NCKAP5: variants seen among roughly 807,000 people sequenced by gnomAD.
NCKAP5 encodes nck-associated protein 5.
A neutral mutation model predicts 167.0 loss-of-function variants in NCKAP5; 92 were observed. The observed-to-expected ratio is 0.55, with a 90% CI of 0.47 to 0.66. The LOEUF is 0.66. Among genes scored for constraint, NCKAP5 ranks in the 30% least tolerant of loss-of-function variants. The pLI is 0.00. For missense variants in NCKAP5, 2,378 were observed against 2,315.0 expected, an observed-to-expected ratio of 1.03 and a Z score of -0.56; for synonymous variants, 891 against 877.4, an observed-to-expected ratio of 1.02 and a Z score of -0.27.
In NCKAP5 at chr2:132,784,704, C is replaced by T. The variant is rs776717567; in HGVS notation, c.2107G>A (p.Ala703Thr). The T allele has an allele frequency of 1.2e-6, 2 of 1,613,902 alleles. No homozygotes were observed. The highest frequency in any genetic ancestry group is 1.3e-5 in the African/African-American group (1 of 74,930). The part of the protein sequence containing the change: ...RNEISINSTP[A>T]GPKAEHTELL... ...TCAGTATGTTCTGCCTTGGGTCCAG[C>T]AGGAGTTGAATTGATGGAAATCTCA... The change falls in exon 14 of 20, where the codon GCT becomes ACT. Residue 703 changes from alanine to threonine, a missense_variant. Around this residue, in one of 3 missense-constraint regions of NCKAP5, gnomAD observed 1,049 missense variants for 1,023.4 expected, o/e 1.02. Transcript: ENST00000409261.
At chr2:133,672,192 A>G in the NCKAP5 span, among the ~76,000 whole-genome samples, 1 of 152,234 alleles carries the variant, frequency 6.6e-6, no homozygotes, top group African/African-American at 2.4e-5. Context: ...ACTTCTAGGT[A>G]AAGCAAACAT....
intron 3 of NCKAP5, among the ~76,000 whole-genome samples, chr2:133,477,671 A>G (rs780219376): frequency 2.0e-5 from 3 of 152,192 alleles, no homozygotes; most frequent in Non-Finnish European, 4.4e-5. Context: ...ACTGCAATAA[A>G]AGTTATGTGA....
chr2:132,891,184 A>C (rs1692672325), intron 8 of NCKAP5, among the ~76,000 whole-genome samples: 1 of 152,214 alleles, frequency 6.6e-6, no homozygotes, highest in African/African-American at 2.4e-5. Context: ...ATGGGGCTTC[A>C]GGCCAGTGGT....
chr2:133,250,058 G>T (rs2088230675), intron 4 of NCKAP5, among the ~76,000 whole-genome samples: 1 of 125,140 alleles, frequency 8.0e-6, no homozygotes, highest in Non-Finnish European at 1.7e-5. Flanking sequence ...TAAGAAGAGA[G>T]GTTTTAAACA....
At chr2:133,032,551 G>A (rs575064896) in intron 6 of NCKAP5, among the ~76,000 whole-genome samples, 235 of 152,234 alleles carry the variant, frequency 1.5e-3, no homozygotes, top group Non-Finnish European at 2.2e-3. Flanking sequence ...CACCCTGCAG[G>A]GAAAAACACA....
At chr2:132,674,961 C>T (rs1361353940) in intron 19 of NCKAP5, among the ~76,000 whole-genome samples, 1 of 152,190 alleles carries the variant, frequency 6.6e-6, no homozygotes, top group African/African-American at 2.4e-5. Flanking sequence ...TAACTCCATC[C>T]AAGGGCCCCT....
intron 6 of NCKAP5, among the ~76,000 whole-genome samples, chr2:132,994,491 C>T (rs2077536122): frequency 6.6e-6 from 1 of 152,120 alleles, no homozygotes; most frequent in Non-Finnish European, 1.5e-5. Context: ...ACTCATGCAC[C>T]TATCTCCCAA....
chr2:133,472,833 G>A (rs548094495), intron 3 of NCKAP5, among the ~76,000 whole-genome samples: 52 of 152,064 alleles, frequency 3.4e-4, no homozygotes, highest in African/African-American at 1.1e-3. Flanking sequence ...TCTCTTCTCC[G>A]TATCCAATAG....
intron 5 of NCKAP5, among the ~76,000 whole-genome samples, chr2:133,199,901 T>C (rs566036605): frequency 6.6e-6 from 1 of 151,942 alleles, no homozygotes; most frequent in South Asian, 2.1e-4. Context: ...TATAATGACA[T>C]GAATGAATTT....
chr2:133,378,189 T>C (rs967948649), intron 3 of NCKAP5, among the ~76,000 whole-genome samples: 2 of 152,178 alleles, frequency 1.3e-5, no homozygotes, highest in African/African-American at 4.8e-5. Context: ...GGTAAGTAAA[T>C]GATAGTACAG....
intron 16 of NCKAP5, among the ~76,000 whole-genome samples, chr2:132,756,345 C>G (rs1018521611): frequency 2.0e-5 from 3 of 152,080 alleles, no homozygotes; most frequent in Admixed American, 6.6e-5. Flanking sequence ...GGTAGTACAC[C>G]TACCTCCCTC....
intron 11 of NCKAP5, among the ~76,000 whole-genome samples, chr2:132,840,661 T>C (rs2105420801): frequency 6.6e-6 from 1 of 152,326 alleles, no homozygotes; most frequent in African/African-American, 2.4e-5. Flanking sequence ...ATTACAATAG[T>C]ACAGTATGTA....
At chr2:133,295,189 T>A (rs1218735160) in intron 4 of NCKAP5, among the ~76,000 whole-genome samples, 1 of 152,158 alleles carries the variant, frequency 6.6e-6, no homozygotes, top group African/African-American at 2.4e-5. Flanking sequence ...TGCCCTTAAG[T>A]CACCCAGCCC....
rs550250508 is a variant in NCKAP5, at chr2:133,006,682, CA to C, written c.342-12444del. 9.2e-5 allele frequency among the ~76,000 whole-genome samples: 14 copies of C among 152,072 alleles called. No homozygotes were observed. In the South Asian group the frequency reaches 2.9e-3, roughly 32 times the overall value. ...AGCTTGGAGAGGTCAAACTAACAGT[CA>C]CACTGGATCTGAATAATGTCCAAAG... On this transcript the variant is annotated intron_variant, in intron 6 of 19. Transcript: ENST00000409261.
intron 5 of NCKAP5, among the ~76,000 whole-genome samples, chr2:133,204,372 C>A (rs1034906094): frequency 2.6e-5 from 4 of 152,024 alleles, no homozygotes; most frequent in African/African-American, 9.7e-5. Flanking sequence ...ACTGAAGACT[C>A]CCCCCCATCA....
rs2076694806 is a variant in NCKAP5 at position 132,967,162 on chromosome 2, T to TACACACACACACAA, written c.430-3294_430-3293insTTGTGTGTGTGTGT. Among the ~76,000 whole-genome samples, 4 of 141,730 alleles carry TACACACACACACAA rather than the reference T, an allele frequency of 2.8e-5. No homozygotes were observed. The Admixed American group carries it at 2.9e-4, about 10-fold the overall frequency. 93.0% of individuals were successfully genotyped at this position (141,730 alleles called of 152,430 possible). On this transcript the variant is annotated intron_variant, in intron 7 of 19. Coordinates refer to ENST00000409261, the MANE Select transcript of NCKAP5 (RefSeq NM_207363.3). Reference sequence around the variant, plus strand: ...ATAATGAGGAGCCACTGCCCTATCGTACACACACACACACACACACACACA... The same window carrying TACACACACACACAA: ...ATAATGAGGAGCCACTGCCCTATCGTACACACACACACAAACACACACACACACACACACACACA...
chr2:133,280,470 G>A (rs989521442), intron 4 of NCKAP5, among the ~76,000 whole-genome samples: 2 of 151,710 alleles, frequency 1.3e-5, no homozygotes, highest in African/African-American at 4.8e-5. Flanking sequence ...GCAGTGGTAC[G>A]ATCTCGGCTC....
chr2:132,741,562 C>T (rs1213595031), intron 16 of NCKAP5, among the ~76,000 whole-genome samples: 1 of 152,030 alleles, frequency 6.6e-6, no homozygotes, highest in East Asian at 1.9e-4. Flanking sequence ...AAGAGTAGGA[C>T]ACAGAACTCT....
intron 6 of NCKAP5, among the ~76,000 whole-genome samples, chr2:133,076,380 A>G (rs2080602786): frequency 6.6e-6 from 1 of 152,162 alleles, no homozygotes; most frequent in African/African-American, 2.4e-5. Flanking sequence ...TGGAACCCAT[A>G]CCTCAGGGAT....
Sources: allele counts gnomAD v4.1 joint callset (sites outside exome capture counted in the v4.1 genomes callset), GRCh38; gene constraint gnomAD v4.1.1; regional missense constraint gnomAD v4.1.1; transcripts MANE v1.5; gene names NCBI Gene and HGNC (gene_info 2026-07-23, HGNC 2026-07-21).